Variants in MMP26 observed in about 807,000 individuals in gnomAD.
The protein encoded by MMP26 is matrix metallopeptidase 26, also known as matrix metalloproteinase-26.
MMP26 carries 33 observed loss-of-function variants against 31.0 expected under a neutral mutation model. That is an observed-to-expected ratio of 1.06 (90% CI 0.81 to 1.42). The LOEUF (loss-of-function observed/expected upper bound fraction) is 1.42. Among genes scored for constraint, MMP26 ranks in the 40% most tolerant of loss-of-function variants. The probability of loss-of-function intolerance (pLI) is 0.00; values close to 1 mark genes in which losing one functional copy is unlikely to be tolerated. For missense variants in MMP26, 347 were observed against 316.1 expected (o/e 1.10, Z -0.74); for synonymous variants, 122 against 114.9 (o/e 1.06, Z -0.40).
At chr11:4,912,799 A>T (rs1366131281) in intron 2 of MMP26, 1 of 152,116 alleles carries the variant, frequency 6.6e-6, no homozygotes, top group Non-Finnish European at 1.5e-5. Context: ...AAATGTAAAA[A>T]ACTATAGAAT....
At chr11:4,890,732 A>G (rs1170736575) in intron 2 of MMP26, 1 of 152,136 alleles carries the variant, frequency 6.6e-6, no homozygotes, top group Non-Finnish European at 1.5e-5. Flanking sequence ...TTCAAGAAAT[A>G]AAAGAGAGAT....
intron 2 of MMP26, among the ~76,000 whole-genome samples, chr11:4,853,680 C>T (rs1850006323): frequency 6.6e-6 from 1 of 152,048 alleles, no homozygotes; most frequent in Non-Finnish European, 1.5e-5. Context: ...TGCCAAGGTC[C>T]AGATGATTTC....
At chr11:4,726,861 A>G (rs2133280317) in intron 1 of MMP26, among the ~76,000 whole-genome samples, 1 of 152,158 alleles carries the variant, frequency 6.6e-6, no homozygotes, top group East Asian at 1.9e-4. Context: ...TTAAAAAATT[A>G]GCCAGGCATG....
At chr11:4,955,277 A>G in intron 2 of MMP26, 1 of 1,241,208 alleles carries the variant, frequency 8.1e-7, no homozygotes, top group Non-Finnish European at 1.1e-6. Flanking sequence ...TACTATCCCT[A>G]TTTGGGCAAC....
Position 4,881,310 on chromosome 11 carries a change from C to T in MMP26, c.-144-106758C>T, listed in dbSNP as rs11034472. ...TCTTTGCCTTTATGAGATATCATTC[C>T]AAGAACAGAGGATAACTGATATCTG... On this transcript the variant is annotated intron_variant, in intron 2 of 7. Transcript: ENST00000380390. Among the ~76,000 whole-genome samples, 113 of 152,234 alleles carry T rather than the reference C, an allele frequency of 7.4e-4. 1 individual carries two copies. In the East Asian group the frequency reaches 0.021, roughly 28 times the overall value.
At chr11:4,899,382 G>C (rs765845485) in intron 2 of MMP26, among the ~76,000 whole-genome samples, 12 of 152,102 alleles carry the variant, frequency 7.9e-5, no homozygotes, top group Non-Finnish European at 1.6e-4. Flanking sequence ...CACTTAAGCT[G>C]TTCTTGAAAC....
intron 2 of MMP26, among the ~76,000 whole-genome samples, chr11:4,893,100 AT>A (rs1850651426): frequency 1.3e-5 from 2 of 152,000 alleles, no homozygotes; most frequent in South Asian, 4.1e-4. Context: ...GTCATGTTTA[AT>A]GCCCTTCTTT....
chr11:4,773,879 A>T (rs562161566), intron 2 of MMP26, among the ~76,000 whole-genome samples: 1 of 152,068 alleles, frequency 6.6e-6, no homozygotes, highest in Non-Finnish European at 1.5e-5. Context: ...TATAAGTGAG[A>T]ACATGAAGTG....
chr11:4,980,587 C>T (rs755081549), intron 2 of MMP26, among the ~76,000 whole-genome samples: 30 of 151,984 alleles, frequency 2.0e-4, no homozygotes, highest in Non-Finnish European at 3.1e-4. Flanking sequence ...AAAAACCCAA[C>T]GAAATAGTGA....
intron 2 of MMP26, chr11:4,804,052 A>G: frequency 6.2e-7 from 1 of 1,614,018 alleles, no homozygotes; most frequent in Non-Finnish European, 8.5e-7. Context: ...CACAGAAGAA[A>G]AGGCATGGAT....
intron 2 of MMP26, chr11:4,924,170 A>T: frequency 6.2e-7 from 1 of 1,614,188 alleles, no homozygotes. Context: ...GGGTCCATGG[A>T]GAGTGGCATC....
At chr11:4,874,153 T>A (rs541404289) in intron 2 of MMP26, among the ~76,000 whole-genome samples, 1 of 152,250 alleles carries the variant, frequency 6.6e-6, no homozygotes, top group South Asian at 2.1e-4. Context: ...AACAATTTTA[T>A]CCAGTTCAGT....
chr11:4,869,519 T>C (rs184769675), intron 2 of MMP26, among the ~76,000 whole-genome samples: 115 of 152,316 alleles, frequency 7.6e-4, no homozygotes, highest in Admixed American at 1.6e-3. Flanking sequence ...CACAGTGAGA[T>C]GCCATCTCAC....
chr11:4,908,050 T>G, intron 2 of MMP26: 1 of 1,614,176 alleles, frequency 6.2e-7, no homozygotes, highest in Non-Finnish European at 8.5e-7. Flanking sequence ...TACTCAGCAT[T>G]GCATCTTTGG....
Position 4,816,882 on chromosome 11 carries a change from T to A in MMP26, c.-145+49541T>A, listed in dbSNP as rs1023902647. ...CCACGCCCGGCTAATTTTTTTTTTT[T>A]AATATTTTTAGTAGAAACGTGGTTT... On this transcript the variant is annotated intron_variant, in intron 2 of 7. Coordinates refer to ENST00000380390, the MANE Select transcript of MMP26 (RefSeq NM_021801.5). 1.3e-3 allele frequency among the ~76,000 whole-genome samples: 191 copies of A among 149,926 alleles called. 2 individuals carry two copies. Among genetic ancestry groups the A allele is most frequent in the Admixed American group, 1.0e-3 (15 of 15,074 alleles).
At chr11:4,864,225 C>T (rs2133518026) in intron 2 of MMP26, among the ~76,000 whole-genome samples, 1 of 152,254 alleles carries the variant, frequency 6.6e-6, no homozygotes, top group South Asian at 2.1e-4. Flanking sequence ...TATTCCAATA[C>T]CTCATGTATA....
At chr11:4,734,628 T>A (rs979589720) in intron 1 of MMP26, among the ~76,000 whole-genome samples, 1 of 118,448 alleles carries the variant, frequency 8.4e-6, no homozygotes, top group African/African-American at 3.3e-5. Flanking sequence ...CCTTTGGGAT[T>A]TTTTTTATGA....
intron 2 of MMP26, among the ~76,000 whole-genome samples, chr11:4,899,808 T>A (rs1241387598): frequency 6.6e-6 from 1 of 152,162 alleles, no homozygotes; most frequent in Non-Finnish European, 1.5e-5. Flanking sequence ...TATTTTATTT[T>A]TAAATTAATT....
intron 2 of MMP26, among the ~76,000 whole-genome samples, chr11:4,887,648 A>G (rs1850562197): frequency 6.6e-6 from 1 of 152,082 alleles, no homozygotes; most frequent in South Asian, 2.1e-4. Context: ...TAATTTATCA[A>G]CATATTCTGA....
Sources: allele counts gnomAD v4.1 joint callset (sites outside exome capture counted in the v4.1 genomes callset), GRCh38; gene constraint gnomAD v4.1.1; transcripts MANE v1.5; gene names NCBI Gene and HGNC (gene_info 2026-07-23, HGNC 2026-07-21).